The following LUZP2 variants were observed in gnomAD, a reference collection of about 807,000 sequenced individuals.
LUZP2 encodes the protein leucine zipper protein 2.
LUZP2 carries 52 observed loss-of-function variants against 51.6 expected under a neutral mutation model. The observed-to-expected ratio is 1.01, with a 90% CI of 0.81 to 1.27. The LOEUF (loss-of-function observed/expected upper bound fraction) is 1.27. Among genes scored for constraint, LUZP2 ranks in the 50% most tolerant of loss-of-function variants. The pLI, the probability that LUZP2 is intolerant of heterozygous loss-of-function variation, is 0.00. For synonymous variants in LUZP2, 154 were observed against 137.3 expected (o/e 1.12, Z -0.85); for missense variants, 436 against 395.4 (o/e 1.10, Z -0.87).
At chr11:24,787,405 T>C (rs1409559549) in intron 5 of LUZP2, among the ~76,000 whole-genome samples, 1 of 152,166 alleles carries the variant, frequency 6.6e-6, no homozygotes, top group East Asian at 1.9e-4. Flanking sequence ...AAGGTCAGAA[T>C]AGTCACTGAC....
chr11:24,765,629 CT>C lies in LUZP2; in HGVS notation c.396+2337del, dbSNP rs762443498. On this transcript the variant is annotated intron_variant, in intron 5 of 11. Coordinates refer to ENST00000336930, the MANE Select transcript of LUZP2 (RefSeq NM_001009909.4). ...AATTTTTTCCTTTTTTTTCTTTTTTCTTTTTTTTTTTTTTTTGAGACGGAGT... is the reference window on the plus strand; with the variant it reads ...AATTTTTTCCTTTTTTTTCTTTTTTCTTTTTTTTTTTTTTTGAGACGGAGT... Among the ~76,000 whole-genome samples the C allele has an allele frequency of 4.7e-3, 620 of 132,974 alleles. 1 individual carries two copies. The highest frequency in any genetic ancestry group is 6.9e-3 in the Admixed American group (92 of 13,362). 87.2% of individuals were successfully genotyped at this position (132,974 alleles called of 152,430 possible).
intron 7 of LUZP2, among the ~76,000 whole-genome samples, chr11:24,944,276 C>T (rs906417697): frequency 6.6e-6 from 1 of 152,138 alleles, no homozygotes; most frequent in African/African-American, 2.4e-5. Flanking sequence ...ACTTTAAGGT[C>T]AGTTGTAATA....
rs1384554246 is a variant in LUZP2 at position 24,565,315 on chromosome 11, A to G, written c.62+68010A>G. 2.0e-5 allele frequency among the ~76,000 whole-genome samples: 3 copies of G among 152,180 alleles called. No homozygotes were observed. The East Asian group carries it at 5.8e-4, about 29-fold the overall frequency. On this transcript the variant is annotated intron_variant, in intron 1 of 11. Coordinates refer to ENST00000336930, the MANE Select transcript of LUZP2 (RefSeq NM_001009909.4). The stretch of plus-strand genomic sequence containing the variant: ...AGGAACTATTTTTGAATTGTCCTTT[A>G]TATTTAGTAAGACCCAAAAGAGAAC...
At chr11:24,971,957 T>C (rs1389256011) in intron 7 of LUZP2, among the ~76,000 whole-genome samples, 10 of 151,804 alleles carry the variant, frequency 6.6e-5, no homozygotes, top group African/African-American at 2.4e-4. Flanking sequence ...ATGGCCACCA[T>C]GGCAAGATCC....
intron 10 of LUZP2, among the ~76,000 whole-genome samples, chr11:25,069,688 A>G (rs963370472): frequency 1.3e-5 from 2 of 151,958 alleles, no homozygotes; most frequent in Admixed American, 6.6e-5. Context: ...TTCAATATTC[A>G]GTAGTTTCAA....
At chr11:24,970,439 A>G (rs1176200550) in intron 7 of LUZP2, among the ~76,000 whole-genome samples, 2 of 152,186 alleles carry the variant, frequency 1.3e-5, no homozygotes, top group African/African-American at 4.8e-5. Flanking sequence ...TATCAGAGAA[A>G]TTAAAATAAA....
chr11:24,648,288 C>T (rs1400180947), intron 1 of LUZP2, among the ~76,000 whole-genome samples: 3 of 151,804 alleles, frequency 2.0e-5, no homozygotes, highest in Non-Finnish European at 4.4e-5. Flanking sequence ...CTCATCTCTT[C>T]TGTCTGCCTT....
intron 9 of LUZP2, among the ~76,000 whole-genome samples, chr11:25,024,807 T>C (rs1425791487): frequency 1.3e-5 from 2 of 148,446 alleles, no homozygotes; most frequent in Non-Finnish European, 3.0e-5. Flanking sequence ...TTAAAGTTCA[T>C]ATGGAACCAA....
At position 24,734,311 on chromosome 11, in the gene LUZP2, A is replaced by G. The variant is rs547334439; in HGVS notation, c.251+2123A>G. Among the ~76,000 whole-genome samples, 4 of 151,812 alleles carry G rather than the reference A, an allele frequency of 2.6e-5. No individual in the cohort carries two copies. The South Asian group carries it at 8.3e-4, about 32-fold the overall frequency. On this transcript the variant is annotated intron_variant, in intron 3 of 11. Transcript: ENST00000336930. ...GAAAACCTATTCTCTTAGTTTGTTG[A>G]TATTTTTTTAAAATATCTATGTCTG... is the stretch of plus-strand genomic sequence containing the variant.
chr11:24,709,181 G>A (rs1162203118), intron 1 of LUZP2, among the ~76,000 whole-genome samples: 2 of 152,142 alleles, frequency 1.3e-5, no homozygotes, highest in Non-Finnish European at 2.9e-5. Context: ...TTTATCACAG[G>A]ACTTGAAGCT....
intron 1 of LUZP2, among the ~76,000 whole-genome samples, chr11:24,515,489 G>A (rs1185012129): frequency 6.6e-6 from 1 of 152,110 alleles, no homozygotes; most frequent in Non-Finnish European, 1.5e-5. Context: ...TTAAGTGCTT[G>A]GGAGCCCAGA....
chr11:25,043,560 G>GGATATATGTATCCAGGATATATGA (rs144924028), intron 9 of LUZP2, among the ~76,000 whole-genome samples: 55,430 of 149,244 alleles, frequency 0.37, 12,496 homozygotes, highest in East Asian at 0.75. Flanking sequence ...AGCTCTGCAA[G>GGATATATGTATCCAGGATATATGA]GATATATGTA....
intron 5 of LUZP2, among the ~76,000 whole-genome samples, chr11:24,838,826 A>C (rs910050357): frequency 6.6e-6 from 1 of 151,700 alleles, no homozygotes; most frequent in Non-Finnish European, 1.5e-5. Context: ...CCTTGAAAAA[A>C]TATGTATGTA....
chr11:24,824,162 G>A (rs1341888696), intron 5 of LUZP2, among the ~76,000 whole-genome samples: 2 of 151,432 alleles, frequency 1.3e-5, no homozygotes, highest in Admixed American at 1.3e-4. Flanking sequence ...TCGGGAGTTC[G>A]AGACCAGCCT....
intron 1 of LUZP2, among the ~76,000 whole-genome samples, chr11:24,628,867 C>T (rs1408682950): frequency 1.3e-5 from 2 of 151,906 alleles, no homozygotes; most frequent in Non-Finnish European, 2.9e-5. Context: ...CCTGCTTGGT[C>T]CTTTATACAG....
chr11:24,788,055 A>C lies in LUZP2; in HGVS notation c.396+24747A>C, dbSNP rs1849297629. Among the ~76,000 whole-genome samples, 3 of 148,546 alleles carry C rather than the reference A, an allele frequency of 2.0e-5. 1 individual carries two copies. Among genetic ancestry groups the C allele is most frequent in the South Asian group, 4.2e-4 (2 of 4,722 alleles). On this transcript the variant is annotated intron_variant, in intron 5 of 11. Transcript: ENST00000336930. The stretch of plus-strand genomic sequence containing the variant: ...CAGATAAACATGCTGACCCATGTCT[A>C]CTTAAATTCATTATCAGTAATCTTA...
chr11:24,744,620 C>T (rs74367265), intron 4 of LUZP2, among the ~76,000 whole-genome samples: 9,850 of 152,086 alleles, frequency 0.065, 1,073 homozygotes, highest in African/African-American at 0.22. Flanking sequence ...GTTAATCGTG[C>T]TAATATTCTA....
At chr11:24,834,421 G>C (rs1474166147) in intron 5 of LUZP2, among the ~76,000 whole-genome samples, 1 of 152,154 alleles carries the variant, frequency 6.6e-6, no homozygotes, top group Non-Finnish European at 1.5e-5. Context: ...CAAAGGACAT[G>C]ATCTCATTCT....
At chr11:24,993,472 T>C (rs989316902) in intron 9 of LUZP2, among the ~76,000 whole-genome samples, 5 of 152,146 alleles carry the variant, frequency 3.3e-5, no homozygotes, top group African/African-American at 9.7e-5. Context: ...GTTTTATCTT[T>C]TAGTAAAACA....
Sources: allele counts gnomAD v4.1 joint callset (sites outside exome capture counted in the v4.1 genomes callset), GRCh38; gene constraint gnomAD v4.1.1; transcripts MANE v1.5; gene names NCBI Gene and HGNC (gene_info 2026-07-23, HGNC 2026-07-21).